The following PEAK1 variants were observed in gnomAD, a reference collection of about 807,000 sequenced individuals.
The protein encoded by PEAK1 is pseudopodium enriched atypical kinase 1, also known as inactive tyrosine-protein kinase PEAK1.
Under a neutral mutation model 124.7 loss-of-function variants are expected in PEAK1, and 54 were observed. That is an observed-to-expected ratio of 0.43 (90% CI 0.35 to 0.54). PEAK1 has a LOEUF of 0.54. Ranked by LOEUF, PEAK1 falls within the 20% of genes least tolerant of loss-of-function variation. The pLI, the probability that PEAK1 is intolerant of heterozygous loss-of-function variation, is 0.01. For synonymous variants in PEAK1, 719 were observed against 760.0 expected (o/e 0.95, Z 0.89); for missense variants, 2,046 against 2,134.5 (o/e 0.96, Z 0.82).
intron 1 of PEAK1, among the ~76,000 whole-genome samples, chr15:77,394,841 T>C (rs1440988666): frequency 6.6e-6 from 1 of 152,200 alleles, no homozygotes; most frequent in Non-Finnish European, 1.5e-5. Flanking sequence ...GATAATGTGA[T>C]ATTTCAAACA....
intron 5 of PEAK1, among the ~76,000 whole-genome samples, chr15:77,280,740 G>C (rs532602497): frequency 6.6e-6 from 1 of 152,114 alleles, no homozygotes; most frequent in East Asian, 1.9e-4. Context: ...CTTCTTATTG[G>C]TTTTATGTGA....
intron 1 of PEAK1, among the ~76,000 whole-genome samples, chr15:77,368,461 T>C (rs994807904): frequency 5.3e-5 from 8 of 150,956 alleles, no homozygotes; most frequent in Admixed American, 4.0e-4. Flanking sequence ...GAGGTTATAG[T>C]GAGCTGAGAT....
intron 1 of PEAK1, among the ~76,000 whole-genome samples, chr15:77,397,349 A>G (rs2070976759): frequency 6.6e-6 from 1 of 152,110 alleles, no homozygotes; most frequent in Admixed American, 6.5e-5. Context: ...TCACCTATAT[A>G]AAAACAACAG....
At chr15:77,335,707 T>G in intron 2 of PEAK1, 1 of 908,442 alleles carries the variant, frequency 1.1e-6, no homozygotes, top group Non-Finnish European at 1.3e-6. Context: ...CCCAGGCTGG[T>G]CTCAAACTAC....
intron 6 of PEAK1, among the ~76,000 whole-genome samples, chr15:77,202,584 G>T (rs1368360470): frequency 6.6e-6 from 1 of 151,328 alleles, no homozygotes. Flanking sequence ...GGTTAACACG[G>T]TGAAACCCCG....
At chr15:77,105,092 T>C (rs2050733715), downstream of PEAK1, 1 of 152,206 alleles carries the variant, frequency 6.6e-6, no homozygotes, top group Non-Finnish European at 1.5e-5. Flanking sequence ...GCTTGGAGTT[T>C]TTTGCTCTAT....
intron 2 of PEAK1, among the ~76,000 whole-genome samples, chr15:77,302,625 T>A (rs1314818940): frequency 6.6e-6 from 1 of 152,160 alleles, no homozygotes; most frequent in Non-Finnish European, 1.5e-5. Context: ...GACTAAACAG[T>A]CATACAGATG....
intron 2 of PEAK1, chr15:77,351,711 G>A (rs1597399621): frequency 1.0e-6 from 1 of 982,506 alleles, no homozygotes; most frequent in African/African-American, 1.8e-5. Flanking sequence ...CCAAGAACCT[G>A]GACACCCTCC....
intron 1 of PEAK1, among the ~76,000 whole-genome samples, chr15:77,406,945 G>C (rs189557276): frequency 6.6e-6 from 1 of 152,290 alleles, no homozygotes; most frequent in Admixed American, 6.5e-5. Flanking sequence ...AATTTGAACA[G>C]AACAGAGAAC....
chr15:77,367,725 A>C lies in PEAK1; in HGVS notation c.-665-2500T>G, dbSNP rs1055573490. ...ATGTACTTTCAAAATGCTCTAAGTA[A>C]GTACGTATTTTTATGTTTATTTGGT... On this transcript the variant is annotated intron_variant, in intron 1 of 9. Coordinates refer to ENST00000682557, the MANE Select transcript of PEAK1 (RefSeq NM_001385026.1). Among the ~76,000 whole-genome samples the C allele has an allele frequency of 5.3e-5, 8 of 152,214 alleles. No homozygotes were observed. In the East Asian group the frequency reaches 7.7e-4, roughly 15 times the overall value.
chr15:77,394,390 C>T (rs930546782), intron 1 of PEAK1, among the ~76,000 whole-genome samples: 4 of 152,234 alleles, frequency 2.6e-5, no homozygotes, highest in Admixed American at 2.6e-4. Context: ...CACAGAAGTG[C>T]TTGTGTCACC....
intron 5 of PEAK1, among the ~76,000 whole-genome samples, chr15:77,263,916 A>G (rs2061575912): frequency 1.3e-5 from 2 of 152,084 alleles, no homozygotes; most frequent in Non-Finnish European, 2.9e-5. Flanking sequence ...ACCATGATCA[A>G]GTGGGCTTCA....
intron 1 of PEAK1, among the ~76,000 whole-genome samples, chr15:77,365,821 C>T (rs1040057353): frequency 2.7e-5 from 4 of 149,788 alleles, no homozygotes; most frequent in Non-Finnish European, 5.9e-5. Flanking sequence ...TTCATCAACT[C>T]AATTCTTCAA....
At chr15:77,360,649 T>C (rs1463844420) in intron 2 of PEAK1, among the ~76,000 whole-genome samples, 1 of 152,140 alleles carries the variant, frequency 6.6e-6, no homozygotes, top group African/African-American at 2.4e-5. Context: ...GGTGGGTTAG[T>C]AGGACCAAAT....
chr15:77,406,387 A>C (rs766570532), intron 1 of PEAK1, among the ~76,000 whole-genome samples: 4 of 152,178 alleles, frequency 2.6e-5, no homozygotes, highest in Non-Finnish European at 5.9e-5. Context: ...AACCCTAAAG[A>C]CTCATCCAAA....
intron 7 of PEAK1, among the ~76,000 whole-genome samples, chr15:77,159,620 T>C (rs1177868898): frequency 6.6e-6 from 1 of 152,144 alleles, no homozygotes; most frequent in Non-Finnish European, 1.5e-5. Flanking sequence ...CATTAGCTAT[T>C]TTTCCTGGTT....
intron 5 of PEAK1, among the ~76,000 whole-genome samples, chr15:77,278,088 T>C (rs1356400025): frequency 1.3e-5 from 2 of 152,164 alleles, no homozygotes; most frequent in East Asian, 1.9e-4. Context: ...TAATAGGGAA[T>C]GCTATACGCT....
At chr15:77,311,685 CAAAAAAAAAAAA>C (rs11296386) in intron 2 of PEAK1, among the ~76,000 whole-genome samples, 31 of 85,854 alleles carry the variant, frequency 3.6e-4, no homozygotes, top group African/African-American at 1.3e-3. Context: ...CCAACCCCCA[CAAAAAAAAAAAA>C]AAAAAAAAAG....
rs551322661 is a variant in PEAK1, at chr15:77,165,783, T to G, written c.3138-7087A>C. Among the ~76,000 whole-genome samples, 442 of 152,300 alleles carry G rather than the reference T, an allele frequency of 2.9e-3. 3 individuals carry two copies. Among genetic ancestry groups the G allele is most frequent in the Non-Finnish European group, 4.5e-3 (304 of 68,024 alleles). On this transcript the variant is annotated intron_variant, in intron 7 of 9. Transcript: ENST00000682557. The stretch of plus-strand genomic sequence containing the variant: ...TTTCCACTTAATTCATGAAAACTCT[T>G]CAGGAGGTAGCTACAATAATTCTCA...
Sources: gnomAD v4.1 joint callset for allele counts (sites outside exome capture counted in the v4.1 genomes callset) on GRCh38, gnomAD v4.1.1 for gene constraint, MANE v1.5 for transcripts, NCBI Gene and HGNC (gene_info 2026-07-23, HGNC 2026-07-21) for gene names.